Variants in LAMA5 observed in about 807,000 individuals in gnomAD.
The protein encoded by LAMA5 is laminin subunit alpha-5.
A neutral mutation model predicts 433.4 loss-of-function variants in LAMA5; 260 were observed. That is an observed-to-expected ratio of 0.60 (90% CI 0.54 to 0.66). The LOEUF (loss-of-function observed/expected upper bound fraction) is 0.66. Among genes scored for constraint, LAMA5 ranks in the 30% least tolerant of loss-of-function variants. LAMA5 has a pLI of 0.00. For missense variants in LAMA5, 5,378 were observed against 5,258.5 expected (o/e 1.02, Z -0.70); for synonymous variants, 2,620 against 2,226.6 (o/e 1.18, Z -4.97).
intron 18 of LAMA5, among the ~76,000 whole-genome samples, 183 bp downstream of exon 18, chr20:62,336,157 C>A (rs916259518): frequency 2.0e-5 from 3 of 150,366 alleles, no homozygotes; most frequent in African/African-American, 7.4e-5. Flanking sequence ...CCCAACATTC[C>A]CTTCAGGGCA....
At chr20:62,321,148 G>A (rs62204488) in intron 48 of LAMA5, among the ~76,000 whole-genome samples, 1 of 140,944 alleles carries the variant, frequency 7.1e-6, no homozygotes, top group Admixed American at 7.1e-5. Flanking sequence ...CCGGAGGTGG[G>A]GCCAGTGAAG....
Position 62,337,790 on chromosome 20 carries a change from C to T in LAMA5, c.2026+14G>A. On this transcript the variant is annotated intron_variant, in intron 15 of 79. Transcript: ENST00000252999. Reference sequence around the variant, plus strand: ...TGCACCTGCCTCCCCACCACTTCCTCCCTAGGCACTCACGGACACAGCTGG... The same window carrying T: ...TGCACCTGCCTCCCCACCACTTCCTTCCTAGGCACTCACGGACACAGCTGG... 6.2e-7 allele frequency: 1 copy of T among 1,611,658 alleles called. No individual in the cohort carries two copies. Among genetic ancestry groups the T allele is most frequent in the Admixed American group, 1.7e-5 (1 of 59,974 alleles).
intron 34 of LAMA5, among the ~76,000 whole-genome samples, 159 bp downstream of exon 34, chr20:62,328,685 G>A (rs1019536881): frequency 1.1e-4 from 16 of 152,214 alleles, no homozygotes; most frequent in African/African-American, 2.4e-4. Flanking sequence ...TGCATGGCCC[G>A]CAAGCTGGAG....
intron 57 of LAMA5, among the ~76,000 whole-genome samples, 167 bp downstream of exon 57, chr20:62,316,504 G>A (rs1568904198): frequency 6.6e-6 from 1 of 152,202 alleles, no homozygotes; most frequent in Non-Finnish European, 1.5e-5. Context: ...AGGGCTCCCC[G>A]GGGCTGACAC....
rs1249583346 is a variant in LAMA5 at position 62,309,716 on chromosome 20, C to T, written c.10948G>A (p.Glu3650Lys). 3 of 1,590,710 alleles carry T rather than the reference C, an allele frequency of 1.9e-6. No individual in the cohort carries two copies. Among genetic ancestry groups the T allele is most frequent in the Non-Finnish European group, 2.6e-6 (3 of 1,171,578 alleles). ...PAPLYLGGLPEPMAVQPWPPA... is the reference protein window; with the variant it reads ...PAPLYLGGLPKPMAVQPWPPA... ...CACCCTTGATCAAGGCCGCACTCACCAGGCAGGCCCCCGAGGTACAGAGGG... is the reference window on the plus strand; with the variant it reads ...CACCCTTGATCAAGGCCGCACTCACTAGGCAGGCCCCCGAGGTACAGAGGG... The change falls in exon 79 of 80, where the codon GAG (glutamate) becomes AAG (lysine). Residue 3650 changes from glutamate to lysine, a missense_variant and splice_region_variant. By Grantham distance (56) the Glu-to-Lys change is moderately conservative. Coordinates refer to ENST00000252999, the MANE Select transcript of LAMA5 (RefSeq NM_005560.6).
At chr20:62,312,341 C>A (rs376112103) in intron 68 of LAMA5, 25 bp from the exon 69 acceptor site, 1 of 1,603,922 alleles carries the variant, frequency 6.2e-7, no homozygotes, top group Non-Finnish European at 8.5e-7. Context: ...TCCCTGAGTG[C>A]CCGCGGGTGC....
rs545151613 is a variant in LAMA5, at chr20:62,346,342, G to C, written c.1283-127C>G. 6.6e-5 allele frequency: 93 copies of C among 1,399,472 alleles called. No individual in the cohort carries two copies. The South Asian group carries it at 1.2e-3, about 18-fold the overall frequency. 86.7% of individuals were successfully genotyped at this position (1,399,472 alleles called of 1,614,324 possible). On this transcript the variant is annotated intron_variant, in intron 9 of 79. Transcript: ENST00000252999. ...TGAGGGCTACAGCCAGGCCCCCTGG[G>C]GGGACATGAGGGCTGGGGACCCGCC...
chr20:62,334,490 T>C (rs1393320565), intron 21 of LAMA5, 32 bp downstream of exon 21: 3 of 1,534,754 alleles, frequency 2.0e-6, no homozygotes, highest in East Asian at 2.5e-5. Flanking sequence ...CCTGCCCCGC[T>C]CCCCACCACC....
Position 62,359,396 on chromosome 20 carries a change from G to GCA in LAMA5, c.450+3003_450+3004insTG, listed in dbSNP as rs1275560192. ...GCAAGGGCCTGGACCCTGCGGCAGA[G>GCA]CCAGGGGGTGGGGGAGCTCAAGCCA... On this transcript the variant is annotated intron_variant, in intron 2 of 79. Coordinates refer to ENST00000252999, the MANE Select transcript of LAMA5 (RefSeq NM_005560.6). This position sits in a 1 kb window ranked among gnomAD's most constrained non-coding sequence, Gnocchi z 4.3. Among the ~76,000 whole-genome samples the GCA allele has an allele frequency of 6.6e-6, 1 of 152,152 alleles. No individual in the cohort carries two copies. Among genetic ancestry groups the GCA allele is most frequent in the Non-Finnish European group, 1.5e-5 (1 of 68,008 alleles).
intron 6 of LAMA5, among the ~76,000 whole-genome samples, chr20:62,350,035 G>A (rs956149893): frequency 3.3e-5 from 5 of 151,724 alleles, no homozygotes; most frequent in Non-Finnish European, 7.4e-5. Context: ...ACCAGGTCCT[G>A]GTAACAGAGG....
chr20:62,313,740 C>T lies in LAMA5; in HGVS notation c.8567G>A (p.Gly2856Asp). ...CTCTGCCCCAGGGGCCACCGTGTCA[C>T]CCTTGGTTTCCTGGATCATCTGTCT... ...VERQMIQETK[G>D]DTVAPGAEGL... Residue 2856 changes from glycine to aspartate, a missense_variant, in exon 63 of 80, where the codon GGT (glycine) becomes GAT (aspartate). By Grantham distance (94) the Gly-to-Asp change is moderately conservative (BLOSUM62 -1). Coordinates refer to ENST00000252999, the MANE Select transcript of LAMA5 (RefSeq NM_005560.6). The T allele has an allele frequency of 6.2e-7, 1 of 1,612,968 alleles. No homozygotes were observed. The highest frequency in any genetic ancestry group is 8.5e-7 in the Non-Finnish European group (1 of 1,179,988).
At position 62,322,135 on chromosome 20, in the gene LAMA5, T is replaced by C. The variant is rs1249301883; in HGVS notation, c.6380A>G (p.His2127Arg). Residue 2127 changes from histidine to arginine, a missense_variant, in exon 48 of 80, where the codon CAC becomes CGC. His to Arg is a conservative substitution (Grantham distance 29). Transcript: ENST00000252999. ...CGGGGGGCAGTTGCAGCGGCCCGTG[T>C]GAGGGTCACAGCGGCCCCCAGGGCA... ...CQCPGGRCDP[H>R]TGRCNCPPGL... 6.2e-7 allele frequency: 1 copy of C among 1,602,380 alleles called. No individual in the cohort carries two copies. The highest frequency in any genetic ancestry group is 1.1e-5 in the South Asian group (1 of 90,736).
chr20:62,316,546 T>C (rs140442916), intron 57 of LAMA5, 125 bp downstream of exon 57: 4 of 700,480 alleles, frequency 5.7e-6, no homozygotes, highest in Admixed American at 6.3e-5. Flanking sequence ...TCCAAAGCTC[T>C]CCCACCCCAA....
chr20:62,310,485 G>C lies in LAMA5; in HGVS notation c.10534C>G (p.Pro3512Ala), dbSNP rs767119943. The change falls in exon 76 of 80, where the codon CCC becomes GCC. Residue 3512 changes from proline (P) to alanine (A), a missense_variant. Transcript: ENST00000252999. ...GCCTCCAGGGGGCCCAAGATGCAGGGTGTGACCCCTGCCATCCGTGTGGGG... is the reference window on the plus strand; with the variant it reads ...GCCTCCAGGGGGCCCAAGATGCAGGCTGTGACCCCTGCCATCCGTGTGGGG... ...GAPTRMAGVTPCILGPLEAGL... is the reference protein window; with the variant it reads ...GAPTRMAGVTACILGPLEAGL... 1 of 1,579,938 alleles carries C rather than the reference G, an allele frequency of 6.3e-7. No homozygotes were observed. Among genetic ancestry groups the C allele is most frequent in the Non-Finnish European group, 8.6e-7 (1 of 1,168,142 alleles).
At chr20:62,336,942 C>T (rs988794611) in intron 16 of LAMA5, 156 bp from the exon 17 acceptor site, 1 of 734,164 alleles carries the variant, frequency 1.4e-6, no homozygotes, top group Non-Finnish European at 2.4e-6. Flanking sequence ...ACGCACCTCC[C>T]TGCTCCCTCC....
At chr20:62,323,200 G>A (rs1978620095) in intron 45 of LAMA5, among the ~76,000 whole-genome samples, 1 of 143,726 alleles carries the variant, frequency 7.0e-6, no homozygotes, top group Non-Finnish European at 1.5e-5. Context: ...TAGGGAGAAA[G>A]GGTGTGATGG....
chr20:62,324,396 C>G lies in LAMA5; in HGVS notation c.5643+45G>C, dbSNP rs777269968. 10 of 1,509,022 alleles carry G rather than the reference C, an allele frequency of 6.6e-6. No homozygotes were observed. In the South Asian group the frequency reaches 1.0e-4, roughly 16 times the overall value. The allele number at this position is 1,509,022 out of a possible 1,614,324, so 93.5% of individuals were successfully genotyped here. On this transcript the variant is annotated intron_variant, in intron 42 of 79. Transcript: ENST00000252999. This position sits in a 1 kb window ranked among gnomAD's most constrained non-coding sequence, Gnocchi z 4.4. ...GTCTTCCCTGGCACACTTGACTGTGCCTTCAGTGAATGCTGCCCCCCTGGC... is the reference window on the plus strand; with the variant it reads ...GTCTTCCCTGGCACACTTGACTGTGGCTTCAGTGAATGCTGCCCCCCTGGC...
At chr20:62,360,632 A>G (rs1488118789) in intron 2 of LAMA5, among the ~76,000 whole-genome samples, 1 of 10,724 alleles carries the variant, frequency 9.3e-5, no homozygotes, top group Non-Finnish European at 2.1e-4. Flanking sequence ...GTGGAGGGAT[A>G]GATGGGTGGG....
At position 62,338,227 on chromosome 20, in the gene LAMA5, C is replaced by T; in HGVS notation, c.1756+5G>A. On this transcript the variant is annotated splice_donor_5th_base_variant and intron_variant, in intron 13 of 79. Transcript: ENST00000252999. ...CCCACGCCCACGTGGAGAGGCACCA[C>T]TCACACTGGCAGAGAGGGAAGTGAA... 4 of 1,589,820 alleles carry T rather than the reference C, an allele frequency of 2.5e-6. No homozygotes were observed. The highest frequency in any genetic ancestry group is 3.4e-6 in the Non-Finnish European group (4 of 1,166,510).
Sources: allele counts gnomAD v4.1 joint callset (sites outside exome capture counted in the v4.1 genomes callset), GRCh38; gene constraint gnomAD v4.1.1; non-coding constraint Gnocchi (gnomAD v3.1); transcripts MANE v1.5; gene names NCBI Gene and HGNC (gene_info 2026-07-23, HGNC 2026-07-21).